The following GSTO2 variants were observed in gnomAD, a reference collection of about 807,000 sequenced individuals.
The protein encoded by GSTO2 is glutathione S-transferase omega 2.
In GSTO2, 23 loss-of-function variants were observed where a neutral mutation model predicts 28.4. That is an observed-to-expected ratio of 0.81 (90% confidence interval 0.58 to 1.15). The LOEUF (loss-of-function observed/expected upper bound fraction) is 1.15. GSTO2 is among the 50% of genes most tolerant of loss of function. GSTO2 has a pLI of 0.00. For synonymous variants in GSTO2, 109 were observed against 111.0 expected, an observed-to-expected ratio of 0.98 and a Z score of 0.11; for missense variants, 298 against 297.8, an observed-to-expected ratio of 1.00 and a Z score of 0.00.
At chr10:104,277,751 A>G (rs1397067326) in intron 3 of GSTO2, 143 bp from the exon 4 acceptor site, 3 of 616,234 alleles carry the variant, frequency 4.9e-6, no homozygotes, top group East Asian at 5.5e-5. Flanking sequence ...TGATGATGTT[A>G]TGTATTTTAT....
At chr10:104,272,881 G>A (rs1390682742) in intron 1 of GSTO2, among the ~76,000 whole-genome samples, 2 of 151,894 alleles carry the variant, frequency 1.3e-5, no homozygotes, top group Non-Finnish European at 2.9e-5. Context: ...CAAAGTGCTG[G>A]GATTACAGGC....
chr10:104,274,961 C>T lies in GSTO2; in HGVS notation c.34+12C>T, dbSNP rs767671722. 30 of 1,576,724 alleles carry T rather than the reference C, an allele frequency of 1.9e-5. No homozygotes were observed. Among genetic ancestry groups the T allele is most frequent in the Non-Finnish European group, 2.6e-5 (30 of 1,165,328 alleles). On this transcript the variant is annotated intron_variant, in intron 2 of 6. Transcript: ENST00000338595. ...GACCCTGGGGAAAGGTGAGTGCTCT[C>T]CATGGGGTCCGCGAGCTGGGGGCGC... is the stretch of plus-strand genomic sequence containing the variant.
At chr10:104,272,988 T>C (rs2011487881) in intron 1 of GSTO2, among the ~76,000 whole-genome samples, 1 of 152,222 alleles carries the variant, frequency 6.6e-6, no homozygotes, top group Non-Finnish European at 1.5e-5. Context: ...ATAATTTATT[T>C]TGATTTTGAG....
intron 5 of GSTO2, among the ~76,000 whole-genome samples, chr10:104,290,510 AAAAAAAG>A (rs1394739592): frequency 6.6e-6 from 1 of 152,050 alleles, no homozygotes; most frequent in Non-Finnish European, 1.5e-5. Flanking sequence ...GTCTCAAAAA[AAAAAAAG>A]AAAAAAGAAA....
rs749691326 is a variant in GSTO2 at position 104,302,524 on chromosome 10, T to A, written c.*3240T>A. ...GGAGCATGATGGGGCAGGGCTTGTG[T>A]GGCTGGGACAGCTGGCTATGGTCGT... On this transcript the variant is annotated 3_prime_UTR_variant, in exon 7 of 7. Transcript: ENST00000338595. 1 of 152,294 alleles carries A rather than the reference T, an allele frequency of 6.6e-6. No individual in the cohort carries two copies. Among genetic ancestry groups the A allele is most frequent in the Non-Finnish European group, 1.5e-5 (1 of 68,082 alleles). 9.4% of individuals were successfully genotyped at this position (152,294 alleles called of 1,614,324 possible).
At chr10:104,283,484 G>A (rs549347523) in intron 5 of GSTO2, among the ~76,000 whole-genome samples, 3 of 152,262 alleles carry the variant, frequency 2.0e-5, no homozygotes, top group Admixed American at 2.0e-4. Context: ...ACATGAACTG[G>A]TCATGGCAGT....
At chr10:104,294,943 A>G (rs2012955846) in intron 5 of GSTO2, 1 of 152,228 alleles carries the variant, frequency 6.6e-6, no homozygotes, top group Admixed American at 6.5e-5. Flanking sequence ...GGGTTCCATT[A>G]AATGTCTATT....
intron 3 of GSTO2, among the ~76,000 whole-genome samples, chr10:104,276,555 G>A (rs1304027283): frequency 1.3e-5 from 2 of 152,188 alleles, no homozygotes; most frequent in Non-Finnish European, 2.9e-5. Flanking sequence ...ACCTTCAGTT[G>A]TGACAACAAA....
chr10:104,294,919 A>G (rs1381673665), intron 5 of GSTO2: 1 of 152,234 alleles, frequency 6.6e-6, no homozygotes, highest in Non-Finnish European at 1.5e-5. Context: ...TCACTTTACC[A>G]AAGGACCCAC....
chr10:104,297,694 T>C lies in GSTO2; in HGVS notation c.575+10T>C. ...TGTATGGGATACTGGAGTAAGACAT[T>C]TGACATTGTGGTGTTAAATTCCCGG... is the stretch of plus-strand genomic sequence containing the variant. On this transcript the variant is annotated intron_variant, in intron 6 of 6. Transcript: ENST00000338595. 6.3e-7 allele frequency: 1 copy of C among 1,583,384 alleles called. No individual in the cohort carries two copies. Among genetic ancestry groups the C allele is most frequent in the Non-Finnish European group, 8.7e-7 (1 of 1,152,508 alleles).
intron 1 of GSTO2, among the ~76,000 whole-genome samples, chr10:104,270,369 TTAA>T (rs10590204): frequency 0.074 from 11,275 of 152,292 alleles, 1,394 homozygotes; most frequent in African/African-American, 0.26. Context: ...AGTTAATGAG[TTAA>T]TAATGTTCCT....
intron 5 of GSTO2, among the ~76,000 whole-genome samples, chr10:104,281,921 C>T (rs139381041): frequency 6.2e-4 from 95 of 152,062 alleles, no homozygotes; most frequent in African/African-American, 2.2e-3. Flanking sequence ...AGGGTGAGAG[C>T]CTGGTGTGTT....
At position 104,280,330 on chromosome 10, in the gene GSTO2, C is replaced by T. The variant is rs544224310; in HGVS notation, c.468+859C>T. 9.2e-5 allele frequency among the ~76,000 whole-genome samples: 14 copies of T among 152,248 alleles called. No individual in the cohort carries two copies. In the South Asian group the frequency reaches 1.9e-3, roughly 20 times the overall value. ...TATCATCCTCAAAATAACAAGATAGCTGCTGTCACTGCAGCCATCACATCC... is the reference window on the plus strand; with the variant it reads ...TATCATCCTCAAAATAACAAGATAGTTGCTGTCACTGCAGCCATCACATCC... On this transcript the variant is annotated intron_variant, in intron 5 of 6. Coordinates refer to ENST00000338595, the MANE Select transcript of GSTO2 (RefSeq NM_183239.2).
chr10:104,300,908 T>C lies in GSTO2; in HGVS notation c.*1624T>C, dbSNP rs1467523705. The C allele has an allele frequency of 6.6e-6, 1 of 152,318 alleles. No homozygotes were observed. Among genetic ancestry groups the C allele is most frequent in the South Asian group, 2.1e-4 (1 of 4,836 alleles). 9.4% of individuals were successfully genotyped at this position (152,318 alleles called of 1,614,324 possible). ...CTGGCTCTGGGTATATTTTGACCCATGTAAATAGTTACCAGGTGTTACTCT... is the reference window on the plus strand; with the variant it reads ...CTGGCTCTGGGTATATTTTGACCCACGTAAATAGTTACCAGGTGTTACTCT... On this transcript the variant is annotated 3_prime_UTR_variant, in exon 7 of 7. Coordinates refer to ENST00000338595, the MANE Select transcript of GSTO2 (RefSeq NM_183239.2).
In GSTO2 at chr10:104,303,839, A is replaced by G. The variant is rs910548379; in HGVS notation, c.*4555A>G. ...AGATTTAATCTAAATCATAAAGTAC[A>G]AGCTAGAGCAATCCCTCCAGTGCTG... On this transcript the variant is annotated 3_prime_UTR_variant, in exon 7 of 7. Transcript: ENST00000338595. The G allele has an allele frequency of 2.0e-5, 3 of 152,200 alleles. No homozygotes were observed. Among genetic ancestry groups the G allele is most frequent in the Non-Finnish European group, 4.4e-5 (3 of 68,032 alleles). The allele number at this position is 152,200 out of a possible 1,614,324, so 9.4% of individuals were successfully genotyped here.
At position 104,298,999 on chromosome 10, in the gene GSTO2, AATAAG is replaced by A. The variant is rs1394744704; in HGVS notation, c.576-124_576-120del. Reference sequence around the variant, plus strand: ...CAGTAAGTTATCATTCTCACTTGATAATAAGATAACTAAGATAACTTCCCAAATAA... The same window carrying A: ...CAGTAAGTTATCATTCTCACTTGATAATAACTAAGATAACTTCCCAAATAA... On this transcript the variant is annotated intron_variant, in intron 6 of 6. Coordinates refer to ENST00000338595, the MANE Select transcript of GSTO2 (RefSeq NM_183239.2). The A allele has an allele frequency of 6.4e-5, 51 of 798,544 alleles. 1 individual carries two copies. Among genetic ancestry groups the A allele is most frequent in the South Asian group, 5.3e-4 (24 of 44,990 alleles). The allele number at this position is 798,544 out of a possible 1,614,324, so 49.5% of individuals were successfully genotyped here. A position where few individuals can be genotyped will look rare whatever the true frequency, so the allele number is the denominator to read the frequency against.
chr10:104,275,032 C>T (rs2011560190), intron 2 of GSTO2, 83 bp downstream of exon 2: 1 of 1,530,254 alleles, frequency 6.5e-7, no homozygotes, highest in African/African-American at 1.4e-5. Flanking sequence ...CTGGCCTTGG[C>T]CTGCAGACCG....
rs368081134 is a variant in GSTO2 at position 104,303,675 on chromosome 10, A to T, written c.*4391A>T. On this transcript the variant is annotated 3_prime_UTR_variant, in exon 7 of 7. Coordinates refer to ENST00000338595, the MANE Select transcript of GSTO2 (RefSeq NM_183239.2). ...ATTCAAGCAGGCTGCAGAAATTTGCATAAGTAAAAAGGAGCCAAGTGCTAA... is the reference window on the plus strand; with the variant it reads ...ATTCAAGCAGGCTGCAGAAATTTGCTTAAGTAAAAAGGAGCCAAGTGCTAA... 18 of 152,386 alleles carry T rather than the reference A, an allele frequency of 1.2e-4. No homozygotes were observed. Among genetic ancestry groups the T allele is most frequent in the African/African-American group, 3.8e-4 (16 of 41,598 alleles). The allele number at this position is 152,386 out of a possible 1,614,324, so 9.4% of individuals were successfully genotyped here.
intron 5 of GSTO2, among the ~76,000 whole-genome samples, chr10:104,281,282 G>A (rs66665619): frequency 2.3e-3 from 332 of 143,226 alleles, no homozygotes; most frequent in African/African-American, 7.6e-3. Flanking sequence ...CTTTAAAAAA[G>A]AAGTTCGAAA....
Sources: allele counts gnomAD v4.1 joint callset (sites outside exome capture counted in the v4.1 genomes callset), GRCh38; gene constraint gnomAD v4.1.1; transcripts MANE v1.5; gene names NCBI Gene and HGNC (gene_info 2026-07-23, HGNC 2026-07-21).